The following MRPS6 variants were observed in gnomAD, a reference collection of about 807,000 sequenced individuals.
MRPS6 encodes the protein mitochondrial ribosomal protein S6.
MRPS6 carries 6 observed loss-of-function variants against 13.1 expected under a neutral mutation model. That is an observed-to-expected ratio of 0.46 (90% CI 0.25 to 0.91). The LOEUF (loss-of-function observed/expected upper bound fraction) is 0.91. Among genes scored for constraint, MRPS6 ranks in the 40% least tolerant of loss-of-function variants. The pLI is 0.18. For synonymous variants in MRPS6, 61 were observed against 56.5 expected (o/e 1.08, Z -0.36); for missense variants, 164 against 155.6 (o/e 1.05, Z -0.29).
rs1446330672 is a variant in MRPS6 at position 34,142,484 on chromosome 21, G to A, written c.262G>A (p.Val88Met). 1.9e-6 allele frequency: 3 copies of A among 1,612,848 alleles called. No homozygotes were observed. In the South Asian group the frequency reaches 3.3e-5, roughly 18 times the overall value. Residue 88 changes from valine to methionine, a missense_variant, in exon 3 of 3, where the codon GTG (valine) becomes ATG (methionine). Coordinates refer to ENST00000399312, the MANE Select transcript of MRPS6 (RefSeq NM_032476.4). ...GGAGCACTTGTCTCGAGATATAGAT[G>A]TGATTAGAGGGAATATTGTCAAACA... ...MVEHLSRDIDVIRGNIVKHPL... is the reference protein window; with the variant it reads ...MVEHLSRDIDMIRGNIVKHPL...
intron 1 of MRPS6, among the ~76,000 whole-genome samples, chr21:34,118,420 C>T (rs1216491367): frequency 6.6e-6 from 1 of 152,030 alleles, no homozygotes; most frequent in East Asian, 1.9e-4. Context: ...GTAAGTGGAC[C>T]TACACAGTTT....
chr21:34,135,669 T>G, intron 2 of MRPS6: 1 of 380,080 alleles, frequency 2.6e-6, no homozygotes, highest in Non-Finnish European at 5.3e-6. Flanking sequence ...ACCCAAAGCC[T>G]GTGGAGTCCT....
chr21:34,126,140 A>G (rs1980295739), intron 2 of MRPS6, among the ~76,000 whole-genome samples: 1 of 152,134 alleles, frequency 6.6e-6, no homozygotes, highest in Non-Finnish European at 1.5e-5. Flanking sequence ...GCGCGGTAGG[A>G]AAAGTCCAAG....
At chr21:34,081,566 A>G (rs1358194158) in intron 1 of MRPS6, among the ~76,000 whole-genome samples, 1 of 152,204 alleles carries the variant, frequency 6.6e-6, no homozygotes, top group Non-Finnish European at 1.5e-5. Flanking sequence ...TTGGGAGACT[A>G]GAAGGAGCTT....
intron 2 of MRPS6, among the ~76,000 whole-genome samples, chr21:34,127,684 T>G (rs143842642): frequency 2.0e-5 from 3 of 152,342 alleles, no homozygotes; most frequent in East Asian, 3.9e-4. Flanking sequence ...TAGTCTGATA[T>G]TCTCTTGGCT....
rs748070770 is a variant in MRPS6 at position 34,096,506 on chromosome 21, G to A, written c.45+22761G>A. 38 of 1,614,188 alleles carry A rather than the reference G, an allele frequency of 2.4e-5. No homozygotes were observed. In the South Asian group the frequency reaches 4.2e-4, roughly 18 times the overall value. On this transcript the variant is annotated intron_variant, in intron 1 of 2. Coordinates refer to ENST00000399312, the MANE Select transcript of MRPS6 (RefSeq NM_032476.4). This position sits in a 1 kb window ranked among gnomAD's most constrained non-coding sequence, Gnocchi z 5.9. ...TCATCGTGGAGATGCAAGGAGGCCA[G>A]ATGTACCTTTACATTCAGGAGGTAG...
chr21:34,081,205 A>G (rs1989451423), intron 1 of MRPS6, among the ~76,000 whole-genome samples: 1 of 152,086 alleles, frequency 6.6e-6, no homozygotes, highest in Non-Finnish European at 1.5e-5. Flanking sequence ...ATGAAGCTGA[A>G]ACTGGAAATT....
At chr21:34,122,479 T>G (rs1281262796) in intron 1 of MRPS6, 1 of 152,188 alleles carries the variant, frequency 6.6e-6, no homozygotes, top group Non-Finnish European at 1.5e-5. Flanking sequence ...TTTTTTTATA[T>G]TTTCCTAAGT....
chr21:34,074,183 C>G (rs1451939672), intron 1 of MRPS6, among the ~76,000 whole-genome samples: 1 of 150,062 alleles, frequency 6.7e-6, no homozygotes, highest in East Asian at 1.9e-4. Context: ...CCTGGTCCGT[C>G]CCGCTCCGCC....
chr21:34,102,179 T>G (rs1360648857), intron 1 of MRPS6: 1 of 999,980 alleles, frequency 1.0e-6, no homozygotes, highest in Admixed American at 6.2e-5. Flanking sequence ...GCTGTTCAGC[T>G]ACTTTGACTC....
chr21:34,096,163 T>C lies in MRPS6; in HGVS notation c.45+22418T>C. The C allele has an allele frequency of 6.2e-7, 1 of 1,614,154 alleles. No individual in the cohort carries two copies. Among genetic ancestry groups the C allele is most frequent in the Non-Finnish European group, 8.5e-7 (1 of 1,179,978 alleles). Reference sequence around the variant, plus strand: ...GTTGTCCCAGGAATGATTTCCAGGATACTGTTTACTGATGATATAGCTTGC... The same window carrying C: ...GTTGTCCCAGGAATGATTTCCAGGACACTGTTTACTGATGATATAGCTTGC... On this transcript the variant is annotated intron_variant, in intron 1 of 2. Coordinates refer to ENST00000399312, the MANE Select transcript of MRPS6 (RefSeq NM_032476.4). The surrounding 1 kb of genome is among the most constrained non-coding windows in gnomAD (Gnocchi z 5.9).
At chr21:34,111,526 TC>T (rs1051773088) in intron 1 of MRPS6, among the ~76,000 whole-genome samples, 4 of 152,244 alleles carry the variant, frequency 2.6e-5, no homozygotes, top group Non-Finnish European at 4.4e-5. Flanking sequence ...GACATCATGT[TC>T]TTCACTCTCT....
At chr21:34,128,403 A>G (rs1002414442) in intron 2 of MRPS6, among the ~76,000 whole-genome samples, 2 of 152,020 alleles carry the variant, frequency 1.3e-5, no homozygotes, top group African/African-American at 4.8e-5. Flanking sequence ...GTACATGCCC[A>G]GTAGGCTGGA....
At chr21:34,104,715 T>C (rs1379829180) in intron 1 of MRPS6, 10 of 999,934 alleles carry the variant, frequency 1.0e-5, no homozygotes, top group Non-Finnish European at 1.2e-5. Context: ...GGGAAGAAGA[T>C]TACCAGAAGT....
At chr21:34,091,199 TCCAAAG>T (rs1185418051) in intron 1 of MRPS6, among the ~76,000 whole-genome samples, 1 of 152,320 alleles carries the variant, frequency 6.6e-6, no homozygotes, top group East Asian at 1.9e-4. Flanking sequence ...GTAAATTGAC[TCCAAAG>T]CTAAAAGAGG....
intron 1 of MRPS6, among the ~76,000 whole-genome samples, chr21:34,110,922 T>A (rs1237015508): frequency 6.6e-6 from 1 of 152,186 alleles, no homozygotes; most frequent in African/African-American, 2.4e-5. Context: ...ATCCTTACGC[T>A]TAGGAACACT....
At chr21:34,116,178 T>TTGTGTGTGTGTGTGTGTGTGTG (rs57694757) in intron 1 of MRPS6, among the ~76,000 whole-genome samples, 2 of 141,284 alleles carry the variant, frequency 1.4e-5, no homozygotes, top group Admixed American at 7.0e-5. Flanking sequence ...CCAGCTAATT[T>TTGTGTGTGTGTGTGTGTGTGTG]TGTGTGTGTG....
intron 1 of MRPS6, among the ~76,000 whole-genome samples, chr21:34,076,750 T>C (rs1989341991): frequency 6.6e-6 from 1 of 152,230 alleles, no homozygotes; most frequent in Non-Finnish European, 1.5e-5. Flanking sequence ...ACTAGGCCTT[T>C]AAAGGTGACA....
chr21:34,077,887 C>T (rs1443506307), intron 1 of MRPS6, among the ~76,000 whole-genome samples: 3 of 152,124 alleles, frequency 2.0e-5, no homozygotes, highest in Non-Finnish European at 4.4e-5. Flanking sequence ...TTGATTAGAA[C>T]ACCTGGCAAA....
Sources: gnomAD v4.1 joint callset for allele counts (sites outside exome capture counted in the v4.1 genomes callset) on GRCh38, gnomAD v4.1.1 for gene constraint, Gnocchi (gnomAD v3.1) non-coding constraint, MANE v1.5 for transcripts, NCBI Gene and HGNC (gene_info 2026-07-23, HGNC 2026-07-21) for gene names.